Variants in KCTD13 observed in about 807,000 individuals in gnomAD.
The protein encoded by KCTD13 is BTB/POZ domain-containing adapter for CUL3-mediated RhoA degradation protein 1.
In KCTD13, 15 loss-of-function variants were observed where a neutral mutation model predicts 32.3. The observed-to-expected ratio is 0.46, with a 90% CI of 0.31 to 0.71. KCTD13 has a LOEUF of 0.71. KCTD13 is among the 30% of genes least tolerant of loss of function. The pLI, the probability that KCTD13 is intolerant of heterozygous loss-of-function variation, is 0.05. For synonymous variants in KCTD13, 189 were observed against 200.1 expected (o/e 0.94, Z 0.47); for missense variants, 337 against 452.6 (o/e 0.74, Z 2.32).
intron 2 of KCTD13, among the ~76,000 whole-genome samples, chr16:29,918,629 C>A (rs911431847): frequency 6.6e-6 from 1 of 151,630 alleles, no homozygotes; most frequent in Non-Finnish European, 1.5e-5. Flanking sequence ...CACCACCACT[C>A]CCAGCTAATT....
intron 4 of KCTD13, 148 bp downstream of exon 4, chr16:29,911,667 C>T (rs8047140): frequency 0.17 from 124,123 of 733,484 alleles, 16,774 homozygotes; most frequent in East Asian, 0.69. Context: ...CTGCCTAGAG[C>T]GTCAGGGGTA....
intron 5 of KCTD13, among the ~76,000 whole-genome samples, chr16:29,908,027 A>G (rs1167614111): frequency 6.6e-6 from 1 of 151,348 alleles, no homozygotes; most frequent in Non-Finnish European, 1.5e-5. Flanking sequence ...TCAGGAAAAG[A>G]GATACATCAG....
At chr16:29,909,103 AG>A (rs1462074151) in intron 5 of KCTD13, among the ~76,000 whole-genome samples, 1 of 152,092 alleles carries the variant, frequency 6.6e-6, no homozygotes, top group Non-Finnish European at 1.5e-5. Context: ...CTGTGTGAAA[AG>A]GGCCCAGCTA....
At chr16:29,923,111 T>C (rs2150845620) in intron 2 of KCTD13, 79 bp downstream of exon 2, 1 of 1,481,456 alleles carries the variant, frequency 6.8e-7, no homozygotes, top group East Asian at 2.3e-5. Flanking sequence ...CCATACCCCA[T>C]ATCTCCTTTT....
In KCTD13 at chr16:29,906,671, G is replaced by T. The variant is rs1221119567; in HGVS notation, c.*201C>A. On this transcript the variant is annotated 3_prime_UTR_variant, in exon 6 of 6. Coordinates refer to ENST00000568000, the MANE Select transcript of KCTD13 (RefSeq NM_178863.5). ...TGTTGGCTTCGGAAGGCTCTGAGTGGTGGGGCCGGAATGTACCATGTTGTT... is the reference window on the plus strand; with the variant it reads ...TGTTGGCTTCGGAAGGCTCTGAGTGTTGGGGCCGGAATGTACCATGTTGTT... 1.5e-6 allele frequency: 1 copy of T among 689,418 alleles called. No individual in the cohort carries two copies. The highest frequency in any genetic ancestry group is 2.7e-5 in the East Asian group (1 of 36,668). 42.7% of individuals were successfully genotyped at this position (689,418 alleles called of 1,614,324 possible). A position where few individuals can be genotyped will look rare whatever the true frequency, so the allele number is the denominator to read the frequency against.
rs568706383 is a variant in KCTD13 at position 29,911,846 on chromosome 16, T to C, written c.526A>G (p.Asn176Asp). 6.2e-7 allele frequency: 1 copy of C among 1,612,648 alleles called. No individual in the cohort carries two copies. Among genetic ancestry groups the C allele is most frequent in the South Asian group, 1.1e-5 (1 of 90,972 alleles). ...TAGGAGTACTTGTTGTTACTGCGGT[T>C]GTGCAGGAGCTTCACCACGGGCTGG... ...TSKPVVKLLH[N>D]RSNNKYSYTS... The change falls in exon 4 of 6, where the codon AAC (asparagine) becomes GAC (aspartate). Residue 176 changes from asparagine (N) to aspartate (D), a missense_variant. By Grantham distance (23) the Asn-to-Asp change is conservative (BLOSUM62 1). This residue lies in a region of KCTD13 where 252 missense variants were observed against 340.2 expected (regional missense o/e 0.74). Coordinates refer to ENST00000568000, the MANE Select transcript of KCTD13 (RefSeq NM_178863.5).
Position 29,915,605 on chromosome 16 carries a change from C to CAA in KCTD13, c.415-3558_415-3557dup, listed in dbSNP as rs200326928. Among the ~76,000 whole-genome samples, 7 of 118,958 alleles carry CAA rather than the reference C, an allele frequency of 5.9e-5. No homozygotes were observed. In the South Asian group the frequency reaches 8.1e-4, roughly 14 times the overall value. The allele number at this position is 118,958 out of a possible 152,430, so 78.0% of individuals were successfully genotyped here. On this transcript the variant is annotated intron_variant, in intron 2 of 5. Transcript: ENST00000568000. ...AGGAGGAGGTTGCAGTGAGCTATCT[C>CAA]AAAAAAAAAAAAAAGAAAAGAAAAA...
chr16:29,925,841 T>A lies in KCTD13; in HGVS notation c.193A>T (p.Met65Leu). 1.9e-6 allele frequency: 3 copies of A among 1,614,040 alleles called. No individual in the cohort carries two copies. The highest frequency in any genetic ancestry group is 2.5e-6 in the Non-Finnish European group (3 of 1,179,976). Residue 65 changes from methionine to leucine, a missense_variant, in exon 1 of 6, where the codon ATG becomes TTG. Physicochemically the swap from Met to Leu is conservative, Grantham distance 15 (BLOSUM62 2). Coordinates refer to ENST00000568000, the MANE Select transcript of KCTD13 (RefSeq NM_178863.5). ...TLRTLTGQDT[M>L]LKAMFSGRVE... ...CGGCCGCTGAACATGGCTTTGAGCATGGTGTCCTGTCCCGTGAGGGTGCGC... is the reference window on the plus strand; with the variant it reads ...CGGCCGCTGAACATGGCTTTGAGCAAGGTGTCCTGTCCCGTGAGGGTGCGC...
chr16:29,912,119 A>G, intron 2 of KCTD13, 70 bp from the exon 3 acceptor site: 1 of 1,105,910 alleles, frequency 9.0e-7, no homozygotes, highest in Non-Finnish European at 1.3e-6. Context: ...AAAAGCCTTC[A>G]AAAGCTGGTT....
chr16:29,924,818 A>C (rs1309713499), intron 1 of KCTD13, among the ~76,000 whole-genome samples: 5 of 150,574 alleles, frequency 3.3e-5, no homozygotes, highest in Non-Finnish European at 1.5e-5. Context: ...TCCCAGGTTC[A>C]AGCGATTCTC....
intron 2 of KCTD13, chr16:29,914,460 G>A (rs930760954): frequency 2.7e-5 from 4 of 147,326 alleles, no homozygotes; most frequent in African/African-American, 1.0e-4. Context: ...TTTTGAAATG[G>A]AGTCTTGCTC....
chr16:29,923,256 C>T lies in KCTD13; in HGVS notation c.348G>A (p.Glu116=), dbSNP rs1324523415. ...PLPESTRELG[E]LLGEARYYLV... ...GGTAGTAGCGTGCTTCGCCCAGCAG[C>T]TCCCCCAGTTCTCTCGTACTCTCCG... Residue 116 remains glutamate (E), a synonymous_variant, in exon 2 of 6, where the codon GAG becomes GAA. Coordinates refer to ENST00000568000, the MANE Select transcript of KCTD13 (RefSeq NM_178863.5). The T allele has an allele frequency of 1.2e-6, 2 of 1,614,224 alleles. No individual in the cohort carries two copies. The highest frequency in any genetic ancestry group is 1.7e-6 in the Non-Finnish European group (2 of 1,180,050).
chr16:29,922,065 T>C (rs2068923821), intron 2 of KCTD13: 1 of 152,168 alleles, frequency 6.6e-6, no homozygotes, highest in Non-Finnish European at 1.5e-5. Context: ...TAATGGGTCA[T>C]GAAATAAGTA....
chr16:29,917,656 G>A (rs550528778), intron 2 of KCTD13, among the ~76,000 whole-genome samples: 2 of 152,244 alleles, frequency 1.3e-5, no homozygotes, highest in South Asian at 4.1e-4. Context: ...GTGCACGCCT[G>A]TAATCCCAGC....
chr16:29,911,187 G>T lies in KCTD13; in HGVS notation c.558-14C>A. 6.2e-7 allele frequency: 1 copy of T among 1,611,640 alleles called. No homozygotes were observed. Among genetic ancestry groups the T allele is most frequent in the Non-Finnish European group, 8.5e-7 (1 of 1,178,128 alleles). The stretch of plus-strand genomic sequence containing the variant: ...TCATCTGAAGTGCTGGGGACCAGGG[G>T]ACCAGGAGGCCTCAGCGCAGTTGGC... On this transcript the variant is annotated splice_polypyrimidine_tract_variant and intron_variant, in intron 4 of 5. Transcript: ENST00000568000.
chr16:29,925,333 A>G (rs12716972), intron 1 of KCTD13, among the ~76,000 whole-genome samples: 75,883 of 151,982 alleles, frequency 0.5, 19,122 homozygotes, highest in Non-Finnish European at 0.54. Flanking sequence ...CACAGAGGCA[A>G]ACAAGATCTC....
At position 29,912,197 on chromosome 16, in the gene KCTD13, G is replaced by A. The variant is rs893505827; in HGVS notation, c.415-148C>T. 2.4e-5 allele frequency: 16 copies of A among 658,482 alleles called. No homozygotes were observed. The Admixed American group carries it at 2.6e-4, about 11-fold the overall frequency. 40.8% of individuals were successfully genotyped at this position (658,482 alleles called of 1,614,324 possible). ...GGCTCCAAGCTCCGCCAGCCTCTCT[G>A]CCACTCTCCCTTTGCTTGCTGGGCC... On this transcript the variant is annotated intron_variant, in intron 2 of 5. Transcript: ENST00000568000.
chr16:29,917,449 C>A (rs1376185810), intron 2 of KCTD13, among the ~76,000 whole-genome samples: 2 of 151,956 alleles, frequency 1.3e-5, no homozygotes, highest in Non-Finnish European at 2.9e-5. Flanking sequence ...GAGTTTGAGA[C>A]CAGCTTGACC....
chr16:29,919,452 A>G (rs1366336635), intron 2 of KCTD13: 1 of 152,196 alleles, frequency 6.6e-6, no homozygotes, highest in Non-Finnish European at 1.5e-5. Context: ...GCCATAGAAT[A>G]CCTATAACTC....
Sources: allele counts gnomAD v4.1 joint callset (sites outside exome capture counted in the v4.1 genomes callset), GRCh38; gene constraint gnomAD v4.1.1; regional missense constraint gnomAD v4.1.1; transcripts MANE v1.5; gene names NCBI Gene and HGNC (gene_info 2026-07-23, HGNC 2026-07-21).